The following WIPF1 variants were observed in gnomAD, a reference collection of about 807,000 sequenced individuals.
WIPF1 encodes WAS/WASL interacting protein family member 1, also known as WAS/WASL-interacting protein family member 1.
A neutral mutation model predicts 35.4 loss-of-function variants in WIPF1; 13 were observed. The observed-to-expected ratio is 0.37, with a 90% CI of 0.24 to 0.58. The LOEUF (loss-of-function observed/expected upper bound fraction) is 0.58. Ranked by LOEUF, WIPF1 falls within the 20% of genes least tolerant of loss-of-function variation. The pLI, the probability that WIPF1 is intolerant of heterozygous loss-of-function variation, is 0.74. For missense variants in WIPF1, 591 were observed against 667.0 expected, an observed-to-expected ratio of 0.89 and a Z score of 1.25; for synonymous variants, 267 against 266.3, an observed-to-expected ratio of 1.00 and a Z score of -0.02.
chr2:174,647,710 G>A (rs1433879807), intron 1 of WIPF1, among the ~76,000 whole-genome samples: 1 of 150,824 alleles, frequency 6.6e-6, no homozygotes. Flanking sequence ...AAAAAAAAAT[G>A]AGGAAAGCCT....
intron 1 of WIPF1, among the ~76,000 whole-genome samples, chr2:174,654,962 T>C (rs994432040): frequency 3.4e-4 from 51 of 152,142 alleles, no homozygotes; most frequent in Admixed American, 6.5e-5. Flanking sequence ...TCACAACATA[T>C]TAGTCCTGAA....
At chr2:174,627,560 T>G (rs1316933493) in intron 1 of WIPF1, among the ~76,000 whole-genome samples, 8 of 150,782 alleles carry the variant, frequency 5.3e-5, no homozygotes, top group African/African-American at 2.0e-4. Context: ...TTTTTTTTTT[T>G]GAGACAGTCT....
intron 1 of WIPF1, among the ~76,000 whole-genome samples, chr2:174,660,471 G>A (rs1412369689): frequency 6.6e-6 from 1 of 152,278 alleles, no homozygotes; most frequent in East Asian, 1.9e-4. Flanking sequence ...CATTCCCAGG[G>A]CAGAGATTTT....
Position 174,636,633 on chromosome 2 carries a change from C to T in WIPF1, c.-39+46141G>A, listed in dbSNP as rs559999052. Among the ~76,000 whole-genome samples the T allele has an allele frequency of 3.9e-5, 6 of 152,308 alleles. No homozygotes were observed. The East Asian group carries it at 7.7e-4, about 20-fold the overall frequency. On this transcript the variant is annotated intron_variant, in intron 1 of 8. Coordinates refer to the WIPF1 transcript ENST00000272746. ...TCCAGGACTCCACATTACATTTAGTCGTCGTGTTTCTTACGCTCCACTTGG... is the reference window on the plus strand; with the variant it reads ...TCCAGGACTCCACATTACATTTAGTTGTCGTGTTTCTTACGCTCCACTTGG...
chr2:174,566,611 G>A (rs1274758370), intron 7 of WIPF1: 1 of 152,718 alleles, frequency 6.5e-6, no homozygotes, highest in African/African-American at 2.4e-5. Flanking sequence ...ATTATGTGGA[G>A]AGATTATGGA....
intron 1 of WIPF1, among the ~76,000 whole-genome samples, chr2:174,668,433 TTGAG>T (rs757639095): frequency 6.6e-6 from 1 of 152,154 alleles, no homozygotes; most frequent in Non-Finnish European, 1.5e-5. Context: ...CATTTTTCAG[TTGAG>T]TATTATATTC....
At chr2:174,666,693 A>G (rs531772532) in intron 1 of WIPF1, among the ~76,000 whole-genome samples, 5 of 152,356 alleles carry the variant, frequency 3.3e-5, no homozygotes, top group African/African-American at 1.2e-4. Context: ...TTTCTGCATC[A>G]TCCAGGTTTA....
At chr2:174,594,911 A>G (rs886705163) in intron 1 of WIPF1, among the ~76,000 whole-genome samples, 2 of 151,324 alleles carry the variant, frequency 1.3e-5, no homozygotes, top group Admixed American at 6.6e-5. Flanking sequence ...CATTTAAAGC[A>G]AAACATTTGT....
At chr2:174,577,753 C>T (rs1685105767) in intron 3 of WIPF1, among the ~76,000 whole-genome samples, 1 of 151,996 alleles carries the variant, frequency 6.6e-6, no homozygotes, top group Admixed American at 6.6e-5. Flanking sequence ...TGGTGAGATT[C>T]CCATCTCTAC....
At chr2:174,662,867 G>A (rs554676570) in intron 1 of WIPF1, among the ~76,000 whole-genome samples, 31 of 152,242 alleles carry the variant, frequency 2.0e-4, no homozygotes, top group African/African-American at 7.2e-4. Context: ...GTCTATATGA[G>A]GACATGAATG....
intron 3 of WIPF1, among the ~76,000 whole-genome samples, chr2:174,579,338 T>C (rs1685163930): frequency 1.3e-5 from 2 of 152,214 alleles, no homozygotes; most frequent in Non-Finnish European, 1.5e-5. Flanking sequence ...CATCTGTCCA[T>C]CTTTCAGAAA....
At position 174,561,785 on chromosome 2, in the gene WIPF1, CACCAGCCACATGTGG is replaced by C. The variant is rs1684491229; in HGVS notation, c.*747_*761del. 3.4e-6 allele frequency: 1 copy of C among 297,236 alleles called. No homozygotes were observed. Among genetic ancestry groups the C allele is most frequent in the East Asian group, 6.3e-5 (1 of 15,916 alleles). 18.4% of individuals were successfully genotyped at this position (297,236 alleles called of 1,614,324 possible). A position where few individuals can be genotyped will look rare whatever the true frequency, so the allele number is the denominator to read the frequency against. On this transcript the variant is annotated 3_prime_UTR_variant, in exon 8 of 8. Coordinates refer to ENST00000679041, the MANE Select transcript of WIPF1 (RefSeq NM_001375834.1). ...GACTCGTGCTGTCTAATCCAGTAGC[CACCAGCCACATGTGG>C]CTACTGAGCACTTAAAAATGTGACT...
intron 1 of WIPF1, among the ~76,000 whole-genome samples, chr2:174,595,984 G>A (rs543300415): frequency 3.4e-4 from 52 of 152,204 alleles, no homozygotes; most frequent in Non-Finnish European, 6.0e-4. Context: ...GCTTCAAAAG[G>A]TCATAACACT....
At chr2:174,632,527 C>A (rs1016068307) in intron 1 of WIPF1, among the ~76,000 whole-genome samples, 1 of 151,688 alleles carries the variant, frequency 6.6e-6, no homozygotes. Flanking sequence ...CTGACCAACA[C>A]GGTGAAACCC....
chr2:174,661,871 G>A (rs905118219), intron 1 of WIPF1, among the ~76,000 whole-genome samples: 2 of 151,642 alleles, frequency 1.3e-5, no homozygotes, highest in Non-Finnish European at 3.0e-5. Flanking sequence ...TGTGGTGTCT[G>A]GGGGGGTGTG....
rs1384830241 is a variant in WIPF1, at chr2:174,622,044, CA to C, written c.-38-36434del. ...GAGGGAGTGCAAAGGGGCAGTGTTA[CA>C]TGCTGTTGGAAGTTTAGGAGACATG... On this transcript the variant is annotated intron_variant, in intron 1 of 8. Coordinates refer to the WIPF1 transcript ENST00000272746. The surrounding 1 kb of genome is among the most constrained non-coding windows in gnomAD (Gnocchi z 5.1). Among the ~76,000 whole-genome samples, 12 of 150,468 alleles carry C rather than the reference CA, an allele frequency of 8.0e-5. No homozygotes were observed. The highest frequency in any genetic ancestry group is 1.6e-4 in the Non-Finnish European group (11 of 67,592).
upstream of WIPF1, among the ~76,000 whole-genome samples, chr2:174,600,242 A>G (rs1264583626): frequency 6.6e-6 from 1 of 152,190 alleles, no homozygotes; most frequent in African/African-American, 2.4e-5. Flanking sequence ...GCAGTCCCCA[A>G]GACATGCAAG....
upstream of WIPF1, among the ~76,000 whole-genome samples, chr2:174,602,698 A>G (rs1268482934): frequency 6.6e-6 from 1 of 152,262 alleles, no homozygotes; most frequent in African/African-American, 2.4e-5. Flanking sequence ...AGGGTTGATC[A>G]TTTAAAAATA....
At chr2:174,604,600 G>T (rs1250117960) in intron 1 of WIPF1, among the ~76,000 whole-genome samples, 3 of 151,994 alleles carry the variant, frequency 2.0e-5, no homozygotes, top group African/African-American at 7.3e-5. Context: ...ACTAAAATAA[G>T]AAAAAGAACT....
Sources: allele counts gnomAD v4.1 joint callset (sites outside exome capture counted in the v4.1 genomes callset), GRCh38; gene constraint gnomAD v4.1.1; non-coding constraint Gnocchi (gnomAD v3.1); transcripts MANE v1.5; gene names NCBI Gene and HGNC (gene_info 2026-07-23, HGNC 2026-07-21).